AKAP6: variants seen among roughly 807,000 people sequenced by gnomAD.
AKAP6 encodes A-kinase anchoring protein 6, also known as A-kinase anchor protein 6.
Under a neutral mutation model 188.5 loss-of-function variants are expected in AKAP6, and 58 were observed. The ratio of observed to expected loss-of-function variants is 0.31; its 90% CI spans 0.25 to 0.38. The LOEUF (loss-of-function observed/expected upper bound fraction) is 0.38. Among genes scored for constraint, AKAP6 ranks in the 10% least tolerant of loss-of-function variants. AKAP6 has a pLI of 1.00. For missense variants in AKAP6, 2,710 were observed against 2,740.0 expected, an observed-to-expected ratio of 0.99 and a Z score of 0.24; for synonymous variants, 989 against 998.6, an observed-to-expected ratio of 0.99 and a Z score of 0.18.
intron 7 of AKAP6, among the ~76,000 whole-genome samples, chr14:32,671,651 A>G (rs1889201932): frequency 6.6e-6 from 1 of 152,064 alleles, no homozygotes; most frequent in South Asian, 2.1e-4. Flanking sequence ...ACCAAAATGC[A>G]AGGGATTAGC....
chr14:32,352,195 C>A (rs1467482331), intron 1 of AKAP6, among the ~76,000 whole-genome samples: 1 of 151,018 alleles, frequency 6.6e-6, no homozygotes, highest in Non-Finnish European at 1.5e-5. Context: ...CATTCCTAGC[C>A]CAGATTGTAA....
chr14:32,595,737 A>G (rs999011378), intron 5 of AKAP6, among the ~76,000 whole-genome samples: 30 of 152,040 alleles, frequency 2.0e-4, no homozygotes, highest in African/African-American at 6.8e-4. Context: ...AAAAACTTGA[A>G]TCCCATTGGG....
At chr14:32,589,273 C>A (rs1885378154) in intron 5 of AKAP6, among the ~76,000 whole-genome samples, 1 of 152,208 alleles carries the variant, frequency 6.6e-6, no homozygotes, top group African/African-American at 2.4e-5. Context: ...ATTTGCTTGT[C>A]CCCCTTGATT....
intron 2 of AKAP6, among the ~76,000 whole-genome samples, chr14:32,487,268 C>T (rs1044941956): frequency 2.0e-5 from 3 of 152,092 alleles, no homozygotes; most frequent in Admixed American, 2.0e-4. Flanking sequence ...AGATATTGGC[C>T]TGAAATTTTC....
At chr14:32,829,205 C>A (rs962162717) in intron 13 of AKAP6, among the ~76,000 whole-genome samples, 4 of 152,174 alleles carry the variant, frequency 2.6e-5, no homozygotes, top group African/African-American at 9.7e-5. Flanking sequence ...ATGAGATGTA[C>A]AAATATAATT....
At chr14:32,410,186 CT>C (rs1247182661) in intron 1 of AKAP6, among the ~76,000 whole-genome samples, 1 of 152,012 alleles carries the variant, frequency 6.6e-6, no homozygotes, top group African/African-American at 2.4e-5. Flanking sequence ...AGATAATCAA[CT>C]AAGAGTCAGG....
intron 2 of AKAP6, among the ~76,000 whole-genome samples, chr14:32,446,114 GAA>G (rs1890747943): frequency 6.6e-6 from 1 of 152,168 alleles, no homozygotes; most frequent in South Asian, 2.1e-4. Context: ...ATTACCATAA[GAA>G]GAGATTCAAA....
chr14:32,462,787 G>A (rs1322995368), intron 2 of AKAP6, among the ~76,000 whole-genome samples: 2 of 150,960 alleles, frequency 1.3e-5, no homozygotes, highest in Non-Finnish European at 2.9e-5. Context: ...CTAACCAATT[G>A]GATAGAGCCA....
At chr14:32,666,471 A>G (rs989967284) in intron 7 of AKAP6, among the ~76,000 whole-genome samples, 5 of 152,028 alleles carry the variant, frequency 3.3e-5, no homozygotes, top group African/African-American at 7.2e-5. Context: ...TTCCAGGACA[A>G]TTCTTTTTTT....
At chr14:32,348,202 G>A (rs12883558) in intron 1 of AKAP6, among the ~76,000 whole-genome samples, 24,546 of 152,152 alleles carry the variant, frequency 0.16, 2,189 homozygotes, top group East Asian at 0.4. Flanking sequence ...TGGGATTTTA[G>A]AGGTTCCAGC....
chr14:32,519,917 T>C (rs1001440914), intron 2 of AKAP6, among the ~76,000 whole-genome samples: 1 of 152,130 alleles, frequency 6.6e-6, no homozygotes, highest in Non-Finnish European at 1.5e-5. Flanking sequence ...CACATCACAC[T>C]TATTCCAAAA....
At chr14:32,755,675 A>G (rs2032305160) in intron 11 of AKAP6, among the ~76,000 whole-genome samples, 1 of 152,002 alleles carries the variant, frequency 6.6e-6, no homozygotes, top group African/African-American at 2.4e-5. Context: ...CTACAGGTGA[A>G]TACCACCACA....
chr14:32,590,176 A>G (rs957825303), intron 5 of AKAP6, among the ~76,000 whole-genome samples: 2 of 152,088 alleles, frequency 1.3e-5, no homozygotes, highest in Non-Finnish European at 2.9e-5. Flanking sequence ...AGACCCAAGA[A>G]CATTTGGTGT....
At chr14:32,615,167 C>CATAAAAAAAAAAAAAAAA (rs1886511936) in intron 7 of AKAP6, among the ~76,000 whole-genome samples, 1 of 53,506 alleles carries the variant, frequency 1.9e-5, no homozygotes, top group African/African-American at 9.6e-5. Flanking sequence ...GACTCTGTCT[C>CATAAAAAAAAAAAAAAAA]AAAAAAAAAA....
chr14:32,674,230 G>A (rs1295930682), intron 7 of AKAP6, among the ~76,000 whole-genome samples: 1 of 152,198 alleles, frequency 6.6e-6, no homozygotes, highest in Non-Finnish European at 1.5e-5. Flanking sequence ...AGGAAACGTG[G>A]CCTAAGGTCA....
At chr14:32,712,177 TA>T (rs1404895885) in intron 9 of AKAP6, among the ~76,000 whole-genome samples, 1 of 152,140 alleles carries the variant, frequency 6.6e-6, no homozygotes, top group East Asian at 1.9e-4. Context: ...GCAGTGCATA[TA>T]AAAGTTGCGT....
chr14:32,471,580 T>C (rs891956724), intron 2 of AKAP6, among the ~76,000 whole-genome samples: 15 of 152,218 alleles, frequency 9.9e-5, no homozygotes, highest in Admixed American at 2.6e-4. Context: ...CTCCTAAGTG[T>C]ATTATACATT....
intron 4 of AKAP6, among the ~76,000 whole-genome samples, chr14:32,563,415 G>A (rs566780748): frequency 3.3e-5 from 5 of 152,280 alleles, no homozygotes; most frequent in African/African-American, 1.2e-4. Context: ...GCTCAGAATA[G>A]TACCTGGCAT....
chr14:32,645,440 T>A lies in AKAP6; in HGVS notation c.2731-32871T>A, dbSNP rs372139355. On this transcript the variant is annotated intron_variant, in intron 7 of 13. Coordinates refer to ENST00000280979, the MANE Select transcript of AKAP6 (RefSeq NM_004274.5). ...CTCCTCTTGTCATTTATGTTTCTAT[T>A]TTTTAAATTTATTTATTAATTTTTT... Among the ~76,000 whole-genome samples, 14 of 152,294 alleles carry A rather than the reference T, an allele frequency of 9.2e-5. No homozygotes were observed. The East Asian group carries it at 2.3e-3, about 25-fold the overall frequency.
Sources: allele counts gnomAD v4.1 joint callset (sites outside exome capture counted in the v4.1 genomes callset), GRCh38; gene constraint gnomAD v4.1.1; transcripts MANE v1.5; gene names NCBI Gene and HGNC (gene_info 2026-07-23, HGNC 2026-07-21).